Variants in EMB observed in about 807,000 individuals in gnomAD.
EMB encodes the protein embigin homolog.
EMB carries 31 observed loss-of-function variants against 41.4 expected under a neutral mutation model. The observed-to-expected ratio is 0.75, with a 90% CI of 0.56 to 1.01. The LOEUF is 1.01. EMB is among the 50% of genes least tolerant of loss of function. The pLI is 0.00. For synonymous variants in EMB, 137 were observed against 140.4 expected (o/e 0.98, Z 0.17); for missense variants, 379 against 388.3 (o/e 0.98, Z 0.20).
intron 1 of EMB, among the ~76,000 whole-genome samples, chr5:50,437,924 C>T (rs1041949235): frequency 6.6e-6 from 1 of 152,200 alleles, no homozygotes; most frequent in African/African-American, 2.4e-5. Flanking sequence ...AATACTCCCA[C>T]TGATATATCC....
At chr5:50,411,021 T>C (rs1286521797) in intron 3 of EMB, 56 bp from the exon 4 acceptor site, 146 of 1,345,438 alleles carry the variant, frequency 1.1e-4, no homozygotes, top group Non-Finnish European at 1.4e-4. Flanking sequence ...TTAATGAAAA[T>C]GAAAAGACTT....
At position 50,411,353 on chromosome 5, in the gene EMB, A is replaced by G. The variant is rs749152062; in HGVS notation, c.227T>C (p.Ile76Thr). 1.2e-6 allele frequency: 2 copies of G among 1,606,782 alleles called. No homozygotes were observed. The highest frequency in any genetic ancestry group is 1.7e-6 in the Non-Finnish European group (2 of 1,176,160). The change falls in exon 3 of 9, where the codon ATC becomes ACC. Residue 76 changes from isoleucine (I) to threonine (T), a missense_variant. Transcript: ENST00000303221. ...TACATTAGAAGGCCTTTCTAAAGTG[A>G]TATTTTTTTCTACTGGCATACTAGA... ...EHSSMPVEKN[I>T]TLERPSNVNL...
At chr5:50,420,402 C>T (rs1223811711) in intron 2 of EMB, among the ~76,000 whole-genome samples, 1 of 152,210 alleles carries the variant, frequency 6.6e-6, no homozygotes, top group Admixed American at 6.5e-5. Context: ...ATGGTATCAA[C>T]TTCTAAGGTG....
chr5:50,431,629 G>A (rs543428342), intron 1 of EMB, among the ~76,000 whole-genome samples: 7 of 152,262 alleles, frequency 4.6e-5, no homozygotes, highest in African/African-American at 1.7e-4. Flanking sequence ...GAAAAAAAAT[G>A]AGGATCAGAA....
intron 4 of EMB, among the ~76,000 whole-genome samples, chr5:50,410,150 C>T (rs1458622875): frequency 2.0e-5 from 3 of 152,054 alleles, no homozygotes; most frequent in East Asian, 3.9e-4. Context: ...AAAGCAGAGT[C>T]CGACGTAGTT....
rs1245248869 is a variant in EMB, at chr5:50,403,267, G to A, written c.788C>T (p.Pro263Leu). The A allele has an allele frequency of 6.2e-7, 1 of 1,612,720 alleles. No individual in the cohort carries two copies. The highest frequency in any genetic ancestry group is 2.2e-5 in the East Asian group (1 of 44,830). Residue 263 changes from proline (P) to leucine (L), a missense_variant, in exon 6 of 9, where the codon CCA becomes CTA. Physicochemically the swap from Pro to Leu is moderately conservative, Grantham distance 98 (BLOSUM62 -3). Transcript: ENST00000303221. Reference sequence around the variant, plus strand: ...CACCTCAGCCACTATTACAAGAAATGGTTTGAGGGGCACCAAATAGCTCAG... The same window carrying A: ...CACCTCAGCCACTATTACAAGAAATAGTTTGAGGGGCACCAAATAGCTCAG... ...VVLSYLVPLK[P>L]FLVIVAEVIL... is the part of the protein sequence containing the mutation.
At chr5:50,414,483 C>A (rs1371853157) in intron 2 of EMB, among the ~76,000 whole-genome samples, 2 of 133,406 alleles carry the variant, frequency 1.5e-5, no homozygotes, top group East Asian at 4.5e-4. Flanking sequence ...TAAGGTGGCA[C>A]TACTGCACGC....
At chr5:50,411,038 T>G in intron 3 of EMB, 73 bp from the exon 4 acceptor site, 1 of 1,252,386 alleles carries the variant, frequency 8.0e-7, no homozygotes, top group African/African-American at 1.5e-5. Flanking sequence ...ACTTAGCCAT[T>G]AATAAAAATT....
intron 2 of EMB, among the ~76,000 whole-genome samples, chr5:50,417,344 G>A (rs1187438123): frequency 6.6e-6 from 1 of 152,084 alleles, no homozygotes; most frequent in Non-Finnish European, 1.5e-5. Context: ...TTATGAATAA[G>A]AATAAAATTC....
intron 2 of EMB, 146 bp downstream of exon 2, chr5:50,427,998 A>C (rs1257079516): frequency 3.5e-6 from 2 of 577,812 alleles, no homozygotes; most frequent in African/African-American, 3.8e-5. Context: ...ACCACATTAG[A>C]TTCCCAGCTC....
At chr5:50,399,819 T>C in intron 8 of EMB, 40 bp downstream of exon 8, 1 of 1,519,070 alleles carries the variant, frequency 6.6e-7, no homozygotes, top group Non-Finnish European at 9.1e-7. Context: ...GTATATTGAA[T>C]TTGACCTTTT....
At chr5:50,439,539 G>T (rs893892555) in intron 1 of EMB, among the ~76,000 whole-genome samples, 147 of 150,056 alleles carry the variant, frequency 9.8e-4, no homozygotes, top group African/African-American at 3.4e-3. Flanking sequence ...GTTGCCCGGG[G>T]TGGTCTTGAA....
intron 2 of EMB, among the ~76,000 whole-genome samples, chr5:50,420,476 G>T (rs1745500990): frequency 1.3e-5 from 2 of 152,228 alleles, no homozygotes; most frequent in Non-Finnish European, 1.5e-5. Flanking sequence ...GTGACTGATT[G>T]TCTCAGGTCA....
At chr5:50,435,049 C>T (rs566547823) in intron 1 of EMB, among the ~76,000 whole-genome samples, 1 of 152,246 alleles carries the variant, frequency 6.6e-6, no homozygotes, top group African/African-American at 2.4e-5. Context: ...AAAATGATAC[C>T]TAAGAACATT....
intron 2 of EMB, among the ~76,000 whole-genome samples, chr5:50,423,220 C>T (rs891296618): frequency 1.3e-5 from 2 of 151,380 alleles, no homozygotes; most frequent in African/African-American, 4.9e-5. Context: ...CTAAAGAAAA[C>T]AAACAATACT....
intron 2 of EMB, among the ~76,000 whole-genome samples, chr5:50,416,701 A>T (rs929650609): frequency 2.6e-5 from 4 of 152,136 alleles, no homozygotes; most frequent in African/African-American, 9.7e-5. Flanking sequence ...CTGACTTTTC[A>T]TTATTCATAA....
chr5:50,432,750 T>TAAAAAAAAAAAAAAAAAA (rs35639181), intron 1 of EMB, among the ~76,000 whole-genome samples: 1 of 98,962 alleles, frequency 1.0e-5, no homozygotes. Flanking sequence ...GAAAAACAAG[T>TAAAAAAAAAAAAAAAAAA]AAAAAAAAAA....
rs552782936 is a variant in EMB at position 50,437,252 on chromosome 5, C to CA, written c.112+3787dup. 5.5e-3 allele frequency among the ~76,000 whole-genome samples: 841 copies of CA among 152,212 alleles called. 7 individuals are homozygous for CA. The highest frequency in any genetic ancestry group is 0.019 in the African/African-American group (806 of 41,506). ...TGCCTCGGTACTCCAGCCTGAGTGACAGAGTGAGACCCTGTCTCAAAAATT... is the reference window on the plus strand; with the variant it reads ...TGCCTCGGTACTCCAGCCTGAGTGACAAGAGTGAGACCCTGTCTCAAAAATT... On this transcript the variant is annotated intron_variant, in intron 1 of 8. Coordinates refer to ENST00000303221, the MANE Select transcript of EMB (RefSeq NM_198449.3).
At chr5:50,427,234 C>T (rs12110262) in intron 2 of EMB, among the ~76,000 whole-genome samples, 30,129 of 152,040 alleles carry the variant, frequency 0.2, 3,056 homozygotes, top group East Asian at 0.28. Flanking sequence ...TTCTGTTCTA[C>T]CAAATAAAAC....
Sources: gnomAD v4.1 joint callset for allele counts (sites outside exome capture counted in the v4.1 genomes callset) on GRCh38, gnomAD v4.1.1 for gene constraint, MANE v1.5 for transcripts, NCBI Gene and HGNC (gene_info 2026-07-23, HGNC 2026-07-21) for gene names.